Variants in HIVEP2 observed in about 807,000 individuals in gnomAD.
The protein encoded by HIVEP2 is transcription factor HIVEP2.
In HIVEP2, 14 loss-of-function variants were observed where a neutral mutation model predicts 180.7. The observed-to-expected ratio is 0.08, with a 90% confidence interval of 0.05 to 0.12. The LOEUF (loss-of-function observed/expected upper bound fraction) is 0.12. HIVEP2 is among the 10% of genes least tolerant of loss of function. The pLI is 1.00. For synonymous variants in HIVEP2, 1,184 were observed against 1,136.4 expected (o/e 1.04, Z -0.84); for missense variants, 2,579 against 3,008.5 (o/e 0.86, Z 3.34).
intron 3 of HIVEP2, among the ~76,000 whole-genome samples, chr6:142,779,176 T>C (rs1775779143): frequency 6.6e-6 from 1 of 152,166 alleles, no homozygotes; most frequent in South Asian, 2.1e-4. Context: ...AGGGATCCTC[T>C]GGGCCCTGCT....
Position 142,770,199 on chromosome 6 carries a change from A to G in HIVEP2, c.4540T>C (p.Ser1514Pro), listed in dbSNP as rs1194542218. ...GAGGAGGGCGACAGCGAGGAGAAGGAAGATGACCCTGACTGCAAGCCATCT... is the reference window on the plus strand; with the variant it reads ...GAGGAGGGCGACAGCGAGGAGAAGGGAGATGACCCTGACTGCAAGCCATCT... ...PKDGLQSGSS[S>P]FSSLSPSSSQ... The change falls in exon 5 of 10, where the codon TCC (serine) becomes CCC (proline). Residue 1514 changes from serine (S) to proline (P), a missense_variant. Physicochemically the swap from Ser to Pro is moderately conservative, Grantham distance 74 (BLOSUM62 -1). Coordinates refer to ENST00000367603, the MANE Select transcript of HIVEP2 (RefSeq NM_006734.4). The surrounding 1 kb of genome is among the most constrained non-coding windows in gnomAD (Gnocchi z 4.7). 6.2e-7 allele frequency: 1 copy of G among 1,614,198 alleles called. No individual in the cohort carries two copies. The highest frequency in any genetic ancestry group is 2.2e-5 in the East Asian group (1 of 44,876).
chr6:142,765,024 C>T (rs766526010), intron 6 of HIVEP2, 50 bp from the exon 7 acceptor site: 30 of 1,517,320 alleles, frequency 2.0e-5, no homozygotes, highest in Non-Finnish European at 2.7e-5. Flanking sequence ...TCTTAGCATG[C>T]TATATATTAA....
rs909046312 is a variant in HIVEP2 at position 142,898,434 on chromosome 6, G to A, written c.-641+46665C>T. Among the ~76,000 whole-genome samples the A allele has an allele frequency of 1.7e-4, 26 of 152,104 alleles. 1 individual carries two copies. Among genetic ancestry groups the A allele is most frequent in the Non-Finnish European group, 5.9e-5 (4 of 68,018 alleles). ...CCCAACATTTTGGGAGGCCGAGGCG[G>A]GCAAATCACCTGAGGTCAGGAGTTC... On this transcript the variant is annotated intron_variant, in intron 1 of 9. Transcript: ENST00000367603.
At chr6:142,792,059 G>A (rs115925380) in intron 2 of HIVEP2, among the ~76,000 whole-genome samples, 2 of 152,262 alleles carry the variant, frequency 1.3e-5, no homozygotes, top group African/African-American at 4.8e-5. Context: ...AAGGGGTATT[G>A]GAGAAACAGT....
chr6:142,801,210 A>C (rs77173773), intron 2 of HIVEP2, among the ~76,000 whole-genome samples: 1 of 151,278 alleles, frequency 6.6e-6, no homozygotes, highest in Admixed American at 6.6e-5. Flanking sequence ...AAAAAAAAAA[A>C]ACGAGGGAAT....
At position 142,925,028 on chromosome 6, in the gene HIVEP2, T is replaced by C. The variant is rs147975572; in HGVS notation, c.-641+20071A>G. ...ACATAGTTGGGTCCTCTGCCTTCTG[T>C]CTATTTACTCTCTCTGTTTTAAATC... On this transcript the variant is annotated intron_variant, in intron 1 of 9. Coordinates refer to ENST00000367603, the MANE Select transcript of HIVEP2 (RefSeq NM_006734.4). Among the ~76,000 whole-genome samples the C allele has an allele frequency of 3.5e-4, 53 of 152,324 alleles. No homozygotes were observed. In the Middle Eastern group the frequency reaches 0.017, roughly 49 times the overall value.
chr6:142,858,355 C>T (rs1405618779), intron 1 of HIVEP2, among the ~76,000 whole-genome samples: 1 of 151,908 alleles, frequency 6.6e-6, no homozygotes, highest in Non-Finnish European at 1.5e-5. Context: ...ACCTAATTAA[C>T]ACACAGGCAT....
chr6:142,773,382 T>G lies in HIVEP2; in HGVS notation c.1357A>C (p.Lys453Gln). 3 of 1,614,194 alleles carry G rather than the reference T, an allele frequency of 1.9e-6. No individual in the cohort carries two copies. Among genetic ancestry groups the G allele is most frequent in the Non-Finnish European group, 2.5e-6 (3 of 1,180,024 alleles). ...TGAGGTAATGGTTCCATTATGCCCTTCCTACCCATTGCGGCACGCTCCTGA... is the reference window on the plus strand; with the variant it reads ...TGAGGTAATGGTTCCATTATGCCCTGCCTACCCATTGCGGCACGCTCCTGA... ...TSQERAAMGR[K>Q]GIMEPLPHVN... Residue 453 changes from lysine to glutamine, a missense_variant, in exon 5 of 10, where the codon AAG (lysine) becomes CAG (glutamine). By Grantham distance (53) the Lys-to-Gln change is moderately conservative. Transcript: ENST00000367603.
intron 7 of HIVEP2, 46 bp downstream of exon 7, chr6:142,764,753 T>C (rs1775339402): frequency 7.2e-7 from 1 of 1,385,756 alleles, no homozygotes; most frequent in Non-Finnish European, 1.0e-6. Flanking sequence ...GAAATCTAAG[T>C]AGCCATAGAG....
chr6:142,945,524 C>T (rs987709356), upstream of HIVEP2, among the ~76,000 whole-genome samples: 4 of 152,064 alleles, frequency 2.6e-5, no homozygotes, highest in Non-Finnish European at 4.4e-5. The surrounding 1 kb of genome is among the most constrained non-coding windows in gnomAD (Gnocchi z 5.5). Context: ...CCCGCCGCTC[C>T]GCTCTCGCGG....
chr6:142,787,566 C>CAA (rs5880546), intron 2 of HIVEP2, among the ~76,000 whole-genome samples: 195 of 118,210 alleles, frequency 1.6e-3, no homozygotes, highest in African/African-American at 3.0e-3. Flanking sequence ...TTCCTCTCTA[C>CAA]AAAAAAAAAA....
chr6:142,916,651 C>T (rs1461980736), intron 1 of HIVEP2, among the ~76,000 whole-genome samples: 2 of 152,142 alleles, frequency 1.3e-5, no homozygotes, highest in Admixed American at 1.3e-4. Flanking sequence ...TCTCCTGGCA[C>T]CTTAAAAGCA....
chr6:142,826,767 T>C (rs2053811675), intron 2 of HIVEP2, among the ~76,000 whole-genome samples: 1 of 152,204 alleles, frequency 6.6e-6, no homozygotes, highest in African/African-American at 2.4e-5. Context: ...CATTAGTATA[T>C]AATACTCACC....
intron 1 of HIVEP2, among the ~76,000 whole-genome samples, chr6:142,870,275 G>A (rs575399577): frequency 1.3e-5 from 2 of 152,248 alleles, no homozygotes; most frequent in South Asian, 2.1e-4. Context: ...CTTCCTCACC[G>A]CACTCTCACT....
intron 1 of HIVEP2, among the ~76,000 whole-genome samples, chr6:142,874,076 AG>A (rs1290365777): frequency 6.6e-6 from 1 of 152,224 alleles, no homozygotes; most frequent in Non-Finnish European, 1.5e-5. Flanking sequence ...AAGCAGGAAG[AG>A]GATATTCAAA....
At chr6:142,891,016 C>T (rs1250051077) in intron 1 of HIVEP2, among the ~76,000 whole-genome samples, 1 of 152,132 alleles carries the variant, frequency 6.6e-6, no homozygotes, top group Admixed American at 6.6e-5. Context: ...GCCTGTTCTC[C>T]TTAATTATAC....
intron 1 of HIVEP2, among the ~76,000 whole-genome samples, chr6:142,940,659 C>T (rs1028950247): frequency 6.6e-6 from 1 of 151,556 alleles, no homozygotes; most frequent in Admixed American, 6.6e-5. Context: ...TTTAGTGGTT[C>T]GGGTCATTAT....
intron 2 of HIVEP2, among the ~76,000 whole-genome samples, chr6:142,805,381 C>A (rs1449742041): frequency 7.0e-6 from 1 of 143,820 alleles, no homozygotes; most frequent in Non-Finnish European, 1.5e-5. Flanking sequence ...CCCAGCCAGC[C>A]TCAGAGAGTA....
At chr6:142,760,724 C>T in intron 8 of HIVEP2, 57 bp from the exon 9 acceptor site, 1 of 1,276,428 alleles carries the variant, frequency 7.8e-7, no homozygotes, top group South Asian at 1.5e-5. Flanking sequence ...AGGTTAGGAT[C>T]TTATTTAAGC....
Sources: allele counts gnomAD v4.1 joint callset (sites outside exome capture counted in the v4.1 genomes callset), GRCh38; gene constraint gnomAD v4.1.1; non-coding constraint Gnocchi (gnomAD v3.1); transcripts MANE v1.5; gene names NCBI Gene and HGNC (gene_info 2026-07-23, HGNC 2026-07-21).